Variants in CSMD1 observed in about 807,000 individuals in gnomAD.
CSMD1 encodes the protein CUB and sushi domain-containing protein 1.
CSMD1 carries 213 observed loss-of-function variants against 417.5 expected under a neutral mutation model. That is an observed-to-expected ratio of 0.51 (90% confidence interval 0.46 to 0.57). CSMD1 has a LOEUF of 0.57. CSMD1 is among the 20% of genes least tolerant of loss of function. The pLI, the probability that CSMD1 is intolerant of heterozygous loss-of-function variation, is 0.00. For synonymous variants in CSMD1, 2,862 were observed against 1,736.8 expected (o/e 1.65, Z -16.11); for missense variants, 6,923 against 4,529.7 (o/e 1.53, Z -15.17).
At chr8:4,978,748 G>A (rs1305453256) in intron 1 of CSMD1, among the ~76,000 whole-genome samples, 2 of 152,072 alleles carry the variant, frequency 1.3e-5, no homozygotes, top group African/African-American at 2.4e-5. Context: ...GACCAGCCTG[G>A]CCAACACAGT....
At chr8:4,527,656 T>G (rs1056863856) in intron 2 of CSMD1, among the ~76,000 whole-genome samples, 1 of 152,200 alleles carries the variant, frequency 6.6e-6, no homozygotes, top group African/African-American at 2.4e-5. Context: ...ATTTGAATAC[T>G]GAAAGTACAT....
At chr8:4,463,487 T>C (rs895010863) in intron 2 of CSMD1, among the ~76,000 whole-genome samples, 2 of 152,278 alleles carry the variant, frequency 1.3e-5, no homozygotes, top group East Asian at 1.9e-4. Context: ...TTATTCATAA[T>C]TGCAAAAAGT....
At chr8:3,611,935 T>G (rs1435770013) in intron 8 of CSMD1, among the ~76,000 whole-genome samples, 1 of 152,142 alleles carries the variant, frequency 6.6e-6, no homozygotes, top group Non-Finnish European at 1.5e-5. Context: ...ATCTAAAATT[T>G]AAGATGACAT....
intron 3 of CSMD1, among the ~76,000 whole-genome samples, chr8:4,330,177 T>C (rs780760417): frequency 7.5e-6 from 1 of 133,464 alleles, no homozygotes; most frequent in Non-Finnish European, 1.7e-5. Context: ...GGAACAGAGG[T>C]TCCTGTTATG....
chr8:2,955,677 G>A lies in CSMD1; in HGVS notation c.9906C>T (p.Cys3302=). Residue 3302 remains cysteine, a synonymous_variant, in exon 64 of 70, where the codon TGC becomes TGT. Transcript: ENST00000635120. ...PTFGYTLVYT[C]HPGFFLAGGS... Reference sequence around the variant, plus strand: ...CCCCTGCGAGGAAAAAGCCTGGATGGCAGGTGTACACTAAGGTGTAGCCGA... The same window carrying A: ...CCCCTGCGAGGAAAAAGCCTGGATGACAGGTGTACACTAAGGTGTAGCCGA... The A allele has an allele frequency of 6.2e-7, 1 of 1,613,900 alleles. No individual in the cohort carries two copies. Among genetic ancestry groups the A allele is most frequent in the Non-Finnish European group, 8.5e-7 (1 of 1,179,834 alleles).
chr8:4,764,038 C>T (rs1416178230), intron 1 of CSMD1, among the ~76,000 whole-genome samples: 1 of 152,092 alleles, frequency 6.6e-6, no homozygotes, highest in African/African-American at 2.4e-5. Flanking sequence ...TGCTAGATGC[C>T]CATGAATTAC....
At chr8:4,426,552 A>G (rs1331607990) in intron 2 of CSMD1, among the ~76,000 whole-genome samples, 1 of 147,416 alleles carries the variant, frequency 6.8e-6, no homozygotes, top group African/African-American at 2.5e-5. Flanking sequence ...TATATAGGAT[A>G]TTTACTATAG....
At chr8:4,748,702 C>A (rs552467105) in intron 1 of CSMD1, among the ~76,000 whole-genome samples, 1 of 152,226 alleles carries the variant, frequency 6.6e-6, no homozygotes, top group African/African-American at 2.4e-5. Flanking sequence ...TAGCCCACAC[C>A]TGAGTTGCAG....
intron 3 of CSMD1, among the ~76,000 whole-genome samples, chr8:4,050,376 A>ACAAAC (rs1798362699): frequency 6.6e-6 from 1 of 152,194 alleles, no homozygotes. Flanking sequence ...CAGAGAATCT[A>ACAAAC]CAAACTTTTT....
chr8:2,945,105 A>C (rs1802132940), intron 68 of CSMD1, among the ~76,000 whole-genome samples: 1 of 152,236 alleles, frequency 6.6e-6, no homozygotes, highest in South Asian at 2.1e-4. Context: ...TGTTAATTAA[A>C]ATGGCATAAA....
intron 5 of CSMD1, among the ~76,000 whole-genome samples, chr8:3,949,794 A>T (rs1425736840): frequency 2.0e-5 from 3 of 152,160 alleles, no homozygotes; most frequent in East Asian, 3.9e-4. Flanking sequence ...GTTGCCTCTA[A>T]CACATGGAAA....
intron 54 of CSMD1, among the ~76,000 whole-genome samples, chr8:2,985,520 G>C (rs1402075127): frequency 6.6e-6 from 1 of 152,088 alleles, no homozygotes; most frequent in Admixed American, 6.6e-5. Flanking sequence ...TCTATACAAA[G>C]TCACTAAATT....
At chr8:3,979,378 G>T (rs770679691) in intron 5 of CSMD1, among the ~76,000 whole-genome samples, 2 of 152,206 alleles carry the variant, frequency 1.3e-5, no homozygotes, top group South Asian at 4.1e-4. Context: ...AGGACAGCTG[G>T]AGGAGACATC....
At chr8:2,941,551 T>C (rs1256403311) in intron 69 of CSMD1, among the ~76,000 whole-genome samples, 1 of 152,162 alleles carries the variant, frequency 6.6e-6, no homozygotes, top group African/African-American at 2.4e-5. Context: ...ATGGAAAAAA[T>C]GTACAAGGAG....
At chr8:3,431,721 T>C (rs1192953536) in intron 12 of CSMD1, among the ~76,000 whole-genome samples, 2 of 152,170 alleles carry the variant, frequency 1.3e-5, no homozygotes, top group African/African-American at 4.8e-5. Flanking sequence ...ACACATCACA[T>C]CTCTCACTTT....
rs1400821139 is a variant in CSMD1 at position 4,812,445 on chromosome 8, C to G, written c.86-174887G>C. ...AATTTCTAAGTAGGTAAAAAGAGTA[C>G]TTGAAACGTTCCCGACACATAGAAA... On this transcript the variant is annotated intron_variant, in intron 1 of 69. Transcript: ENST00000635120. 2.6e-5 allele frequency among the ~76,000 whole-genome samples: 4 copies of G among 152,224 alleles called. No individual in the cohort carries two copies. In the East Asian group the frequency reaches 5.8e-4, roughly 22 times the overall value.
At chr8:4,469,589 A>C (rs1221339377) in intron 2 of CSMD1, among the ~76,000 whole-genome samples, 2 of 152,110 alleles carry the variant, frequency 1.3e-5, no homozygotes, top group East Asian at 3.9e-4. Flanking sequence ...AACACCTTGG[A>C]GTGGTCTTTG....
Position 3,743,000 on chromosome 8 carries a change from C to T in CSMD1, c.931+10930G>A, listed in dbSNP as rs542472509. Reference sequence around the variant, plus strand: ...CAACTAGTGGAAGCAGTAAAATCCACGCCACCCTTGGAACATACGCCTAGC... The same window carrying T: ...CAACTAGTGGAAGCAGTAAAATCCATGCCACCCTTGGAACATACGCCTAGC... On this transcript the variant is annotated intron_variant, in intron 6 of 69. Coordinates refer to ENST00000635120, the MANE Select transcript of CSMD1 (RefSeq NM_033225.6). Among the ~76,000 whole-genome samples the T allele has an allele frequency of 6.6e-5, 10 of 152,324 alleles. No individual in the cohort carries two copies. The South Asian group carries it at 1.2e-3, about 19-fold the overall frequency.
intron 51 of CSMD1, among the ~76,000 whole-genome samples, chr8:3,020,954 A>G (rs748262850): frequency 3.9e-5 from 6 of 152,226 alleles, no homozygotes; most frequent in Admixed American, 6.5e-5. Context: ...ACAATTTGTT[A>G]TAAACTTTTC....
Sources: allele counts gnomAD v4.1 joint callset (sites outside exome capture counted in the v4.1 genomes callset), GRCh38; gene constraint gnomAD v4.1.1; transcripts MANE v1.5; gene names NCBI Gene and HGNC (gene_info 2026-07-23, HGNC 2026-07-21).